The following CHCHD3 variants were observed in gnomAD, a reference collection of about 807,000 sequenced individuals.
CHCHD3 encodes coiled-coil-helix-coiled-coil-helix domain containing 3.
A neutral mutation model predicts 38.2 loss-of-function variants in CHCHD3; 20 were observed. The observed-to-expected ratio is 0.52, with a 90% CI of 0.37 to 0.76. The LOEUF (loss-of-function observed/expected upper bound fraction) is 0.76. Among genes scored for constraint, CHCHD3 ranks in the 30% least tolerant of loss-of-function variants. The probability of loss-of-function intolerance (pLI) is 0.00; values close to 1 mark genes in which losing one functional copy is unlikely to be tolerated. For synonymous variants in CHCHD3, 82 were observed against 100.0 expected (o/e 0.82, Z 1.07); for missense variants, 245 against 279.2 (o/e 0.88, Z 0.87).
rs996704419 is a variant in CHCHD3, at chr7:132,973,257, C to T, written c.369+1912G>A. The T allele has an allele frequency of 3.8e-5, 37 of 985,338 alleles. 1 individual carries two copies. Among genetic ancestry groups the T allele is most frequent in the Non-Finnish European group, 1.2e-5 (10 of 829,908 alleles). The allele number at this position is 985,338 out of a possible 1,614,324, so 61.0% of individuals were successfully genotyped here. ...ATGCCAACCAAGGTATTCTTCTGCCCGCTGGAAACTAAGAGTTTTGCTCTC... is the reference window on the plus strand; with the variant it reads ...ATGCCAACCAAGGTATTCTTCTGCCTGCTGGAAACTAAGAGTTTTGCTCTC... On this transcript the variant is annotated intron_variant, in intron 4 of 7. Coordinates refer to ENST00000262570, the MANE Select transcript of CHCHD3 (RefSeq NM_017812.4).
chr7:132,856,468 C>T (rs190147316), intron 5 of CHCHD3, among the ~76,000 whole-genome samples: 2 of 152,240 alleles, frequency 1.3e-5, no homozygotes, highest in Admixed American at 6.5e-5. Flanking sequence ...TAAATGGAAT[C>T]GGGGTGAATA....
intron 6 of CHCHD3, among the ~76,000 whole-genome samples, chr7:132,811,484 A>G (rs1173402549): frequency 6.6e-6 from 1 of 152,242 alleles, no homozygotes; most frequent in Non-Finnish European, 1.5e-5. Context: ...AGTGGCTACC[A>G]TGTTGTTGGA....
chr7:132,913,118 G>T (rs530589993), intron 4 of CHCHD3, among the ~76,000 whole-genome samples: 11 of 152,212 alleles, frequency 7.2e-5, no homozygotes, highest in African/African-American at 2.6e-4. Flanking sequence ...TGCTGAAGGA[G>T]GCCAGAGAAA....
intron 2 of CHCHD3, among the ~76,000 whole-genome samples, chr7:133,068,361 C>T (rs1814730278): frequency 6.6e-6 from 1 of 152,154 alleles, no homozygotes; most frequent in Non-Finnish European, 1.5e-5. Context: ...CCTGGAGCTT[C>T]TCTTCTAGTG....
intron 2 of CHCHD3, among the ~76,000 whole-genome samples, chr7:133,056,514 G>A (rs1814337201): frequency 6.6e-6 from 1 of 152,164 alleles, no homozygotes; most frequent in South Asian, 2.1e-4. Context: ...TTAGTCGGCA[G>A]TCACATCTCT....
intron 5 of CHCHD3, among the ~76,000 whole-genome samples, chr7:132,853,748 T>G (rs569612505): frequency 7.2e-5 from 11 of 152,300 alleles, no homozygotes; most frequent in African/African-American, 2.6e-4. Flanking sequence ...TCCAAGACAG[T>G]GTCTCATTGT....
chr7:132,795,664 G>A (rs558953018), intron 7 of CHCHD3, among the ~76,000 whole-genome samples: 9 of 152,318 alleles, frequency 5.9e-5, no homozygotes, highest in African/African-American at 2.2e-4. Flanking sequence ...GGGTTAGAAG[G>A]TCAAATCTAT....
intron 6 of CHCHD3, among the ~76,000 whole-genome samples, chr7:132,826,931 G>GA (rs1253189955): frequency 1.3e-5 from 2 of 151,830 alleles, no homozygotes; most frequent in East Asian, 3.9e-4. Flanking sequence ...TTAATGGGGG[G>GA]AAAAAAGACT....
At chr7:132,799,917 C>A (rs1180108306) in intron 6 of CHCHD3, among the ~76,000 whole-genome samples, 1 of 152,170 alleles carries the variant, frequency 6.6e-6, no homozygotes, top group Non-Finnish European at 1.5e-5. Context: ...CTCCCTACCC[C>A]ACACAGTGGC....
intron 4 of CHCHD3, among the ~76,000 whole-genome samples, chr7:132,890,316 A>C (rs1190767312): frequency 1.3e-5 from 2 of 152,220 alleles, no homozygotes; most frequent in East Asian, 3.8e-4. Context: ...AAAGGCTATA[A>C]TAAAGTTTAT....
chr7:132,935,081 C>T (rs1810604751), intron 4 of CHCHD3, among the ~76,000 whole-genome samples: 1 of 151,864 alleles, frequency 6.6e-6, no homozygotes, highest in Non-Finnish European at 1.5e-5. Flanking sequence ...CCCCAAAGGA[C>T]CACGATGAAA....
Position 133,070,367 on chromosome 7 carries a change from C to A in CHCHD3, c.82-138G>T. On this transcript the variant is annotated intron_variant, in intron 1 of 7. Coordinates refer to ENST00000262570, the MANE Select transcript of CHCHD3 (RefSeq NM_017812.4). The stretch of plus-strand genomic sequence containing the variant: ...AAAGAAATTAGGTTAAATCTAACAG[C>A]CATAAAACCAGAAGGAAGAATAATT... The A allele has an allele frequency of 4.7e-6, 3 of 641,222 alleles. No homozygotes were observed. The South Asian group carries it at 6.4e-5, about 14-fold the overall frequency. 39.7% of individuals were successfully genotyped at this position (641,222 alleles called of 1,614,324 possible).
intron 4 of CHCHD3, among the ~76,000 whole-genome samples, chr7:132,907,486 G>A (rs1809827040): frequency 6.6e-6 from 1 of 152,060 alleles, no homozygotes; most frequent in East Asian, 1.9e-4. Context: ...GCAGAGATAG[G>A]GTCAAAGGCC....
chr7:132,855,347 T>C (rs1233042844), intron 5 of CHCHD3, among the ~76,000 whole-genome samples: 1 of 152,222 alleles, frequency 6.6e-6, no homozygotes, highest in Admixed American at 6.5e-5. Context: ...GTTTAATTTC[T>C]TTTCATCAAT....
intron 4 of CHCHD3, among the ~76,000 whole-genome samples, chr7:132,916,815 A>C (rs1327151010): frequency 6.6e-6 from 1 of 152,206 alleles, no homozygotes; most frequent in African/African-American, 2.4e-5. Context: ...TCTGGGACTC[A>C]AGCAGTCCTC....
At chr7:132,801,749 G>A (rs549270045) in intron 6 of CHCHD3, among the ~76,000 whole-genome samples, 18 of 152,350 alleles carry the variant, frequency 1.2e-4, no homozygotes, top group South Asian at 6.2e-4. Context: ...CTAGAAAACA[G>A]AGCATATAAA....
At chr7:132,931,983 T>C (rs985803993) in intron 4 of CHCHD3, among the ~76,000 whole-genome samples, 4 of 152,128 alleles carry the variant, frequency 2.6e-5, no homozygotes, top group Admixed American at 1.3e-4. Flanking sequence ...AAATTTTGAG[T>C]TGCAAACCCA....
At chr7:132,953,932 T>C (rs1013185806) in intron 4 of CHCHD3, among the ~76,000 whole-genome samples, 2 of 152,192 alleles carry the variant, frequency 1.3e-5, no homozygotes, top group Admixed American at 6.5e-5. Flanking sequence ...CGGGTTGCCC[T>C]AGCCATAAAA....
chr7:132,886,719 G>C (rs893663704), intron 4 of CHCHD3, among the ~76,000 whole-genome samples: 2 of 150,268 alleles, frequency 1.3e-5, no homozygotes, highest in African/African-American at 4.9e-5. Context: ...ATTTTTGTGT[G>C]TATCTTTTAA....
Sources: allele counts gnomAD v4.1 joint callset (sites outside exome capture counted in the v4.1 genomes callset), GRCh38; gene constraint gnomAD v4.1.1; transcripts MANE v1.5; gene names NCBI Gene and HGNC (gene_info 2026-07-23, HGNC 2026-07-21).